The following TYW1B variants were observed in gnomAD, a reference collection of about 807,000 sequenced individuals.
TYW1B encodes the protein S-adenosyl-L-methionine-dependent tRNA 4-demethylwyosine synthase TYW1B.
A neutral mutation model predicts 86.9 loss-of-function variants in TYW1B; 73 were observed. The observed-to-expected ratio is 0.84, with a 90% CI of 0.70 to 1.02. The LOEUF (loss-of-function observed/expected upper bound fraction) is 1.02, where lower values mean the gene tolerates loss of function less well. Among genes scored for constraint, TYW1B ranks in the 50% least tolerant of loss-of-function variants. TYW1B has a pLI of 0.00. For synonymous variants in TYW1B, 248 were observed against 292.8 expected (o/e 0.85, Z 1.56); for missense variants, 637 against 827.4 (o/e 0.77, Z 2.82).
At chr7:72,630,098 G>A (rs575327630) in intron 11 of TYW1B, among the ~76,000 whole-genome samples, 2 of 151,970 alleles carry the variant, frequency 1.3e-5, no homozygotes, top group Non-Finnish European at 2.9e-5. Context: ...GGCCAACATG[G>A]TGAAACCCCA....
chr7:72,826,856 T>C lies in TYW1B; in HGVS notation c.134A>G (p.Gln45Arg), dbSNP rs782122344. 29 of 1,611,582 alleles carry C rather than the reference T, an allele frequency of 1.8e-5. No individual in the cohort carries two copies. The African/African-American group carries it at 3.1e-4, about 17-fold the overall frequency. Reference sequence around the variant, plus strand: ...ATTAAAAAAAATAACTCCACTTACCTGCATCTCGATGACAATCTGGACACA... The same window carrying C: ...ATTAAAAAAAATAACTCCACTTACCCGCATCTCGATGACAATCTGGACACA... ...WICVQIVIEM[Q>R]GFATVLAEAV... Residue 45 changes from glutamine (Q) to arginine (R), a missense_variant and splice_region_variant, in exon 2 of 14, where the codon CAG (glutamine) becomes CGG (arginine). Transcript: ENST00000620995.
At chr7:72,677,034 G>A (rs1813752024) in intron 11 of TYW1B, among the ~76,000 whole-genome samples, 1 of 152,098 alleles carries the variant, frequency 6.6e-6, no homozygotes, top group South Asian at 2.1e-4. Flanking sequence ...TGATGACAAT[G>A]TTCTCGAGTT....
intron 6 of TYW1B, among the ~76,000 whole-genome samples, chr7:72,801,572 T>A (rs781801116): frequency 3.3e-5 from 5 of 152,024 alleles, no homozygotes; most frequent in Non-Finnish European, 2.9e-5. Flanking sequence ...ATGGACTACA[T>A]ATAATTTTAA....
intron 10 of TYW1B, among the ~76,000 whole-genome samples, chr7:72,700,190 T>TG (rs1814431530): frequency 2.7e-5 from 2 of 74,838 alleles, no homozygotes; most frequent in African/African-American, 1.1e-4. Context: ...TTTTTTTTTT[T>TG]GTGAGACAGA....
intron 7 of TYW1B, among the ~76,000 whole-genome samples, chr7:72,752,708 G>T (rs1787520734): frequency 6.6e-6 from 1 of 151,348 alleles, no homozygotes. Flanking sequence ...TCCAGCCTGG[G>T]CGACAGAATG....
chr7:72,662,748 T>C (rs1813364982), intron 11 of TYW1B, among the ~76,000 whole-genome samples: 1 of 152,196 alleles, frequency 6.6e-6, no homozygotes, highest in African/African-American at 2.4e-5. Context: ...CCTATGAAAG[T>C]GGCAAATGAG....
chr7:72,739,606 C>CAA (rs565426313), intron 8 of TYW1B, among the ~76,000 whole-genome samples: 6 of 72,786 alleles, frequency 8.2e-5, no homozygotes, highest in African/African-American at 1.6e-4. Flanking sequence ...ACTCCGTCTC[C>CAA]AAAAAAAAAA....
intron 12 of TYW1B, among the ~76,000 whole-genome samples, chr7:72,619,638 A>G (rs1812167044): frequency 7.4e-6 from 1 of 135,338 alleles, no homozygotes; most frequent in Admixed American, 8.3e-5. Context: ...ACAGAGCAAG[A>G]CTCCGTCTCA....
intron 9 of TYW1B, among the ~76,000 whole-genome samples, chr7:72,724,794 T>C (rs1248924681): frequency 6.6e-6 from 1 of 152,220 alleles, no homozygotes; most frequent in African/African-American, 2.4e-5. Flanking sequence ...AGATATTGTA[T>C]AAATACCATT....
At chr7:72,662,472 T>TAGATAGAC (rs1349022482) in intron 11 of TYW1B, among the ~76,000 whole-genome samples, 4 of 152,080 alleles carry the variant, frequency 2.6e-5, no homozygotes, top group African/African-American at 9.7e-5. Context: ...GATAGATAGA[T>TAGATAGAC]AGATAAATTT....
At chr7:72,576,607 C>T (rs1261760462) in intron 13 of TYW1B, among the ~76,000 whole-genome samples, 4 of 151,010 alleles carry the variant, frequency 2.6e-5, no homozygotes, top group Non-Finnish European at 5.9e-5. Flanking sequence ...CCGCCTCCTG[C>T]GTTCACGCCA....
At chr7:72,690,823 C>G (rs1168920100) in intron 11 of TYW1B, among the ~76,000 whole-genome samples, 1 of 151,304 alleles carries the variant, frequency 6.6e-6, no homozygotes, top group Non-Finnish European at 1.5e-5. Context: ...TCTCGGCTCG[C>G]TACAACCTCC....
At chr7:72,663,201 G>T (rs1399585217) in intron 11 of TYW1B, among the ~76,000 whole-genome samples, 2 of 150,904 alleles carry the variant, frequency 1.3e-5, no homozygotes, top group Non-Finnish European at 2.9e-5. Flanking sequence ...TTGTGGGGGG[G>T]TTGGCGGCAC....
rs1432396179 is a variant in TYW1B, at chr7:72,574,546, T to C, written c.*952A>G. On this transcript the variant is annotated 3_prime_UTR_variant, in exon 14 of 14. Transcript: ENST00000620995. ...AAATATTATTTTATTAATTCAATTT[T>C]TGCATAAAAGACTGTTAAAAGAATT... 2.1e-6 allele frequency: 2 copies of C among 975,182 alleles called. No individual in the cohort carries two copies. The highest frequency in any genetic ancestry group is 2.4e-6 in the Non-Finnish European group (2 of 820,692). The allele number at this position is 975,182 out of a possible 1,614,324, so 60.4% of individuals were successfully genotyped here.
At chr7:72,694,083 C>G (rs1252716792) in intron 11 of TYW1B, among the ~76,000 whole-genome samples, 1 of 152,146 alleles carries the variant, frequency 6.6e-6, no homozygotes, top group African/African-American at 2.4e-5. Flanking sequence ...GCCTCAGCCT[C>G]CCAAACAGCT....
chr7:72,687,233 C>T (rs1372792952), intron 11 of TYW1B, among the ~76,000 whole-genome samples: 3 of 152,070 alleles, frequency 2.0e-5, no homozygotes, highest in African/African-American at 7.2e-5. Context: ...ATCAGGAGTT[C>T]GAGATCAGCC....
At chr7:72,815,087 A>AAG (rs1385443089) in intron 3 of TYW1B, among the ~76,000 whole-genome samples, 1 of 146,544 alleles carries the variant, frequency 6.8e-6, no homozygotes, top group African/African-American at 2.5e-5. Flanking sequence ...AAAAAAAAAA[A>AAG]AAAGAAAATT....
intron 6 of TYW1B, among the ~76,000 whole-genome samples, chr7:72,789,636 ATTTTT>A (rs1208122596): frequency 1.3e-5 from 2 of 151,998 alleles, no homozygotes; most frequent in Non-Finnish European, 2.9e-5. Flanking sequence ...TCATCACAGT[ATTTTT>A]TTAATTTTTT....
Position 72,828,150 on chromosome 7 carries a change from C to G in TYW1B, c.-75G>C. 1.2e-6 allele frequency: 2 copies of G among 1,603,210 alleles called. No individual in the cohort carries two copies. Among genetic ancestry groups the G allele is most frequent in the East Asian group, 2.2e-5 (1 of 44,526 alleles). The stretch of plus-strand genomic sequence containing the variant: ...AGGTTCGCACTGGTACTGCGAGACG[C>G]ACCGAGCTACCTCGCGGCGTTAGCG... On this transcript the variant is annotated 5_prime_UTR_variant, in exon 1 of 14. Coordinates refer to ENST00000620995, the MANE Select transcript of TYW1B (RefSeq NM_001145440.3).
Sources: gnomAD v4.1 joint callset for allele counts (sites outside exome capture counted in the v4.1 genomes callset) on GRCh38, gnomAD v4.1.1 for gene constraint, MANE v1.5 for transcripts, NCBI Gene and HGNC (gene_info 2026-07-23, HGNC 2026-07-21) for gene names.